The following TCF7L2 variants were observed in gnomAD, a reference collection of about 807,000 sequenced individuals.
TCF7L2 encodes the protein transcription factor 7 like 2.
TCF7L2 carries 23 observed loss-of-function variants against 77.9 expected under a neutral mutation model. The observed-to-expected ratio is 0.30, with a 90% CI of 0.21 to 0.42. TCF7L2 has a LOEUF of 0.42. Among genes scored for constraint, TCF7L2 ranks in the 10% least tolerant of loss-of-function variants. The pLI is 1.00. For synonymous variants in TCF7L2, 413 were observed against 340.2 expected, an observed-to-expected ratio of 1.21 and a Z score of -2.36; for missense variants, 654 against 793.1, an observed-to-expected ratio of 0.82 and a Z score of 2.11.
intron 5 of TCF7L2, among the ~76,000 whole-genome samples, chr10:113,128,472 A>G (rs186730430): frequency 1.3e-5 from 2 of 152,212 alleles, no homozygotes; most frequent in East Asian, 3.9e-4. Flanking sequence ...CAGATGGGCA[A>G]TCAGTTCAGT....
chr10:113,152,990 C>T (rs2071082533), intron 11 of TCF7L2, among the ~76,000 whole-genome samples: 1 of 152,138 alleles, frequency 6.6e-6, no homozygotes, highest in Non-Finnish European at 1.5e-5. Context: ...TGGGAATATC[C>T]CTGAAAGCAG....
chr10:113,090,083 A>G (rs2060218536), intron 5 of TCF7L2, among the ~76,000 whole-genome samples: 1 of 152,216 alleles, frequency 6.6e-6, no homozygotes, highest in Non-Finnish European at 1.5e-5. Context: ...GACAGGAAGC[A>G]TTGTTAATTT....
intron 5 of TCF7L2, among the ~76,000 whole-genome samples, chr10:113,083,547 G>A (rs950374364): frequency 6.6e-6 from 1 of 152,142 alleles, no homozygotes; most frequent in African/African-American, 2.4e-5. Flanking sequence ...TCCCATCAAA[G>A]TTACCTCATC....
At chr10:113,110,857 A>C (rs2062498989) in intron 5 of TCF7L2, among the ~76,000 whole-genome samples, 1 of 152,218 alleles carries the variant, frequency 6.6e-6, no homozygotes, top group Non-Finnish European at 1.5e-5. Flanking sequence ...ATCATAGACT[A>C]ATCTGGCCAA....
In TCF7L2 at chr10:113,165,891, G is replaced by T. The variant is rs777670924; in HGVS notation, c.1728G>T (p.Ser576=). The change falls in exon 14 of 14, where the codon TCG becomes TCT. Residue 576 remains serine, a synonymous_variant. Coordinates refer to ENST00000627217, the MANE Select transcript of TCF7L2 (RefSeq NM_001146274.2). Reference sequence around the variant, plus strand: ...CCTCCTCATCAATTGCACAGCCGTCGACTTCTTCCTTACATTCCCACAGCT... The same window carrying T: ...CCTCCTCATCAATTGCACAGCCGTCTACTTCTTCCTTACATTCCCACAGCT... The T allele has an allele frequency of 6.2e-7, 1 of 1,601,072 alleles. No homozygotes were observed. The highest frequency in any genetic ancestry group is 1.3e-5 in the African/African-American group (1 of 74,378).
chr10:113,011,998 C>G (rs1451996871), intron 4 of TCF7L2, among the ~76,000 whole-genome samples: 1 of 152,066 alleles, frequency 6.6e-6, no homozygotes, highest in Non-Finnish European at 1.5e-5. Context: ...AAGTATTGCT[C>G]TTGAGCGTTA....
chr10:113,041,760 A>T (rs1238929746), intron 5 of TCF7L2, among the ~76,000 whole-genome samples: 2 of 152,154 alleles, frequency 1.3e-5, no homozygotes. Context: ...ACACCTAGAG[A>T]GTAAAGTGAA....
intron 8 of TCF7L2, among the ~76,000 whole-genome samples, chr10:113,147,283 G>T (rs2069656836): frequency 6.6e-6 from 1 of 152,170 alleles, no homozygotes; most frequent in Non-Finnish European, 1.5e-5. Context: ...GGCCAACATG[G>T]GAAGCCAAGA....
At chr10:113,097,016 C>A (rs1180192000) in intron 5 of TCF7L2, among the ~76,000 whole-genome samples, 2 of 152,152 alleles carry the variant, frequency 1.3e-5, no homozygotes, top group African/African-American at 4.8e-5. Context: ...GCGTCACCAT[C>A]CCTGTCCTAG....
chr10:113,150,962 T>G, intron 8 of TCF7L2, 36 bp from the exon 9 acceptor site: 1 of 1,613,740 alleles, frequency 6.2e-7, no homozygotes, highest in Non-Finnish European at 8.5e-7. Flanking sequence ...TCATTCATTT[T>G]GATTCTGACG....
intron 4 of TCF7L2, among the ~76,000 whole-genome samples, chr10:112,991,476 C>G (rs941841307): frequency 2.6e-5 from 4 of 151,142 alleles, no homozygotes; most frequent in African/African-American, 9.7e-5. Flanking sequence ...CCACTGCACT[C>G]CAGCCTGGGC....
At chr10:113,109,437 G>A (rs2062839456) in intron 5 of TCF7L2, among the ~76,000 whole-genome samples, 1 of 152,068 alleles carries the variant, frequency 6.6e-6, no homozygotes, top group African/African-American at 2.4e-5. Flanking sequence ...TGTCGCCCAG[G>A]CTGGAGTGCA....
chr10:113,123,228 G>A (rs764714567), intron 5 of TCF7L2, among the ~76,000 whole-genome samples: 1 of 152,200 alleles, frequency 6.6e-6, no homozygotes, highest in Non-Finnish European at 1.5e-5. Context: ...TGGGGAAGCC[G>A]AGAGAGAGGC....
rs886449997 is a variant in TCF7L2 at position 112,950,306 on chromosome 10, A to G, written c.-451A>G. ...TCCGGATTTCGATCCCCCTTTTTCT[A>G]TCTGTCAATCAGCGCCGCCTTTGAA... On this transcript the variant is annotated 5_prime_UTR_variant, in exon 1 of 14. Coordinates refer to ENST00000627217, the MANE Select transcript of TCF7L2 (RefSeq NM_001146274.2). The G allele has an allele frequency of 5.3e-5, 12 of 226,822 alleles. 1 individual carries two copies. The South Asian group carries it at 8.4e-4, about 16-fold the overall frequency. 14.1% of individuals were successfully genotyped at this position (226,822 alleles called of 1,614,324 possible).
chr10:112,951,314 C>T lies in TCF7L2; in HGVS notation c.256+41C>T, dbSNP rs779986082. 16 of 1,042,910 alleles carry T rather than the reference C, an allele frequency of 1.5e-5. No homozygotes were observed. The Admixed American group carries it at 9.3e-4, about 60-fold the overall frequency. 64.6% of individuals were successfully genotyped at this position (1,042,910 alleles called of 1,614,324 possible). A position where few individuals can be genotyped will look rare whatever the true frequency, so the allele number is the denominator to read the frequency against. ...GCGCCCCGCAGCCGCCCGGAGCCGCCCCCCGGGCCGGCCGCCCCGCGCGCC... is the reference window on the plus strand; with the variant it reads ...GCGCCCCGCAGCCGCCCGGAGCCGCTCCCCGGGCCGGCCGCCCCGCGCGCC... On this transcript the variant is annotated intron_variant, in intron 2 of 13. Transcript: ENST00000627217.
rs1046944442 is a variant in TCF7L2, at chr10:113,151,933, C to T, written c.1161+49C>T. The T allele has an allele frequency of 1.2e-5, 18 of 1,558,808 alleles. No homozygotes were observed. Among genetic ancestry groups the T allele is most frequent in the Non-Finnish European group, 1.6e-5 (18 of 1,159,180 alleles). Reference sequence around the variant, plus strand: ...GAAGCGGGGGGCGGGTGGTGAGGGACCAGAGTGCAGCAGGTCAGGTGGCAG... The same window carrying T: ...GAAGCGGGGGGCGGGTGGTGAGGGATCAGAGTGCAGCAGGTCAGGTGGCAG... On this transcript the variant is annotated intron_variant, in intron 10 of 13. Transcript: ENST00000627217. This position sits in a 1 kb window ranked among gnomAD's most constrained non-coding sequence, Gnocchi z 5.2.
chr10:113,049,239 A>G (rs2053977675), intron 5 of TCF7L2, among the ~76,000 whole-genome samples: 1 of 151,898 alleles, frequency 6.6e-6, no homozygotes, highest in Admixed American at 6.6e-5. Flanking sequence ...CTCCATTTGA[A>G]TGCCAAATAG....
chr10:113,122,570 C>T (rs1367483803), intron 5 of TCF7L2, among the ~76,000 whole-genome samples: 1 of 152,086 alleles, frequency 6.6e-6, no homozygotes, highest in African/African-American at 2.4e-5. Flanking sequence ...GCAACTTAAC[C>T]GTGGGTTTGT....
chr10:113,097,931 T>C (rs994208236), intron 5 of TCF7L2, among the ~76,000 whole-genome samples: 1 of 151,030 alleles, frequency 6.6e-6, no homozygotes, highest in Non-Finnish European at 1.5e-5. Flanking sequence ...GCGCTTGTAA[T>C]TCCAGCTACT....
Sources: allele counts gnomAD v4.1 joint callset (sites outside exome capture counted in the v4.1 genomes callset), GRCh38; gene constraint gnomAD v4.1.1; non-coding constraint Gnocchi (gnomAD v3.1); transcripts MANE v1.5; gene names NCBI Gene and HGNC (gene_info 2026-07-23, HGNC 2026-07-21).